MAGI2: variants seen among roughly 807,000 people sequenced by gnomAD.
MAGI2 encodes the protein membrane-associated guanylate kinase, WW and PDZ domain-containing protein 2.
A neutral mutation model predicts 133.3 loss-of-function variants in MAGI2; 35 were observed. The observed-to-expected ratio is 0.26, with a 90% CI of 0.20 to 0.35. The LOEUF (loss-of-function observed/expected upper bound fraction) is 0.35. Among genes scored for constraint, MAGI2 ranks in the 10% least tolerant of loss-of-function variants. The pLI is 1.00. For synonymous variants in MAGI2, 729 were observed against 710.6 expected (o/e 1.03, Z -0.41); for missense variants, 1,636 against 1,863.4 (o/e 0.88, Z 2.25).
chr7:79,449,997 G>T (rs1251150758), intron 1 of MAGI2, among the ~76,000 whole-genome samples: 1 of 150,512 alleles, frequency 6.6e-6, no homozygotes, highest in East Asian at 1.9e-4. Context: ...AGGCAAACAA[G>T]TAAATAAAAT....
chr7:79,379,809 C>T (rs547655279), intron 1 of MAGI2, among the ~76,000 whole-genome samples: 1 of 148,194 alleles, frequency 6.7e-6, no homozygotes, highest in East Asian at 2.0e-4. Context: ...TACAAGTTTT[C>T]TCATTATTTC....
At chr7:79,340,753 T>C (rs1315021127) in intron 1 of MAGI2, among the ~76,000 whole-genome samples, 1 of 152,074 alleles carries the variant, frequency 6.6e-6, no homozygotes, top group Non-Finnish European at 1.5e-5. Context: ...TGTGTATGTG[T>C]GAACGTGTGT....
At chr7:78,555,002 A>G (rs1034270051) in intron 3 of MAGI2, among the ~76,000 whole-genome samples, 1 of 151,934 alleles carries the variant, frequency 6.6e-6, no homozygotes, top group Admixed American at 6.6e-5. Flanking sequence ...CAAAAAAATT[A>G]AAATCAGCCA....
intron 14 of MAGI2, among the ~76,000 whole-genome samples, chr7:78,169,877 T>C (rs948899138): frequency 2.6e-5 from 4 of 152,206 alleles, no homozygotes; most frequent in Non-Finnish European, 5.9e-5. Context: ...TCCCTTCTTG[T>C]CATGCCAACC....
rs142824071 is a variant in MAGI2, at chr7:78,766,100, A to G, written c.419-138861T>C. ...GAGCTTTTGTGGCCCTTTGAGTGAA[A>G]TAACCCAGAGGGTTTGGTTCTCTGC... On this transcript the variant is annotated intron_variant, in intron 2 of 21. Transcript: ENST00000354212. Among the ~76,000 whole-genome samples the G allele has an allele frequency of 8.6e-4, 131 of 152,334 alleles. No homozygotes were observed. In the East Asian group the frequency reaches 0.011, roughly 13 times the overall value.
At chr7:78,727,773 A>G (rs1820961824) in intron 2 of MAGI2, among the ~76,000 whole-genome samples, 1 of 152,222 alleles carries the variant, frequency 6.6e-6, no homozygotes, top group Admixed American at 6.5e-5. Flanking sequence ...AATAAAGTCT[A>G]GACATCTGTT....
chr7:78,083,387 G>GGA (rs747230358), intron 20 of MAGI2, among the ~76,000 whole-genome samples: 372 of 33,284 alleles, frequency 0.011, 20 homozygotes, highest in Middle Eastern at 0.028. Context: ...AGGGAGGGGG[G>GGA]GAGAGAGAGA....
intron 21 of MAGI2, among the ~76,000 whole-genome samples, chr7:78,046,609 T>G (rs997585182): frequency 6.6e-6 from 1 of 152,086 alleles, no homozygotes; most frequent in African/African-American, 2.4e-5. Context: ...CAAGGTGAGA[T>G]ATGGCCAAGT....
At chr7:78,621,514 T>A (rs1266780384) in intron 3 of MAGI2, among the ~76,000 whole-genome samples, 17 of 152,054 alleles carry the variant, frequency 1.1e-4, no homozygotes, top group Admixed American at 1.1e-3. Context: ...GTTACTATCA[T>A]GGCCAAGTCC....
At chr7:79,427,481 T>G (rs1847469843) in intron 1 of MAGI2, among the ~76,000 whole-genome samples, 1 of 152,136 alleles carries the variant, frequency 6.6e-6, no homozygotes. Context: ...TAAAAGAATG[T>G]AGATATCACT....
intron 2 of MAGI2, among the ~76,000 whole-genome samples, chr7:78,730,946 A>C (rs1821313502): frequency 6.6e-6 from 1 of 152,058 alleles, no homozygotes; most frequent in Non-Finnish European, 1.5e-5. Flanking sequence ...ATCTCTCCTT[A>C]CACTACAGCT....
At chr7:78,784,928 C>T (rs1275706391) in intron 2 of MAGI2, among the ~76,000 whole-genome samples, 1 of 151,978 alleles carries the variant, frequency 6.6e-6, no homozygotes, top group Non-Finnish European at 1.5e-5. Flanking sequence ...TTAAATAATG[C>T]AATAGCTTAG....
chr7:78,236,027 G>GTTTTTT (rs34874243), intron 10 of MAGI2, among the ~76,000 whole-genome samples: 1 of 134,634 alleles, frequency 7.4e-6, no homozygotes, highest in Non-Finnish European at 1.6e-5. Flanking sequence ...AAGACTGTAT[G>GTTTTTT]TTTTTTTTTT....
At chr7:78,823,343 G>T (rs928309690) in intron 2 of MAGI2, among the ~76,000 whole-genome samples, 1 of 151,962 alleles carries the variant, frequency 6.6e-6, no homozygotes, top group Non-Finnish European at 1.5e-5. Context: ...CAGCACTTTG[G>T]GAGGCCGAGG....
At chr7:79,144,494 T>C (rs1224121046) in intron 1 of MAGI2, among the ~76,000 whole-genome samples, 1 of 152,198 alleles carries the variant, frequency 6.6e-6, no homozygotes, top group Admixed American at 6.5e-5. Context: ...CCACCATGAT[T>C]GGAAGTTTCC....
At chr7:79,021,677 G>A (rs1809345502) in intron 1 of MAGI2, among the ~76,000 whole-genome samples, 1 of 152,176 alleles carries the variant, frequency 6.6e-6, no homozygotes, top group Admixed American at 6.5e-5. Context: ...AGGCTCATAG[G>A]TGGAAGGGAC....
Position 79,453,007 on chromosome 7 carries a change from C to A in MAGI2, c.301+13G>T, listed in dbSNP as rs758737758. 31 of 1,554,722 alleles carry A rather than the reference C, an allele frequency of 2.0e-5. 1 individual carries two copies. In the Admixed American group the frequency reaches 5.0e-4, roughly 25 times the overall value. The stretch of plus-strand genomic sequence containing the variant: ...ACCGCCCGGCAAAACACTGAGCAAG[C>A]CGCTGCTCTCACCTTGCTTGACACA... On this transcript the variant is annotated intron_variant, in intron 1 of 21. Transcript: ENST00000354212.
At chr7:78,143,864 T>C (rs1247935796) in intron 16 of MAGI2, among the ~76,000 whole-genome samples, 1 of 152,038 alleles carries the variant, frequency 6.6e-6, no homozygotes, top group African/African-American at 2.4e-5. Context: ...AACTGCTATA[T>C]GATCTTATTC....
intron 10 of MAGI2, among the ~76,000 whole-genome samples, chr7:78,229,306 A>C (rs573986188): frequency 6.6e-6 from 1 of 152,284 alleles, no homozygotes; most frequent in Admixed American, 6.5e-5. Context: ...GAGGTAAGGA[A>C]ACTGAAGTTT....
Sources: gnomAD v4.1 joint callset for allele counts (sites outside exome capture counted in the v4.1 genomes callset) on GRCh38, gnomAD v4.1.1 for gene constraint, MANE v1.5 for transcripts, NCBI Gene and HGNC (gene_info 2026-07-23, HGNC 2026-07-21) for gene names.